The following SLC25A48 variants were observed in gnomAD, a reference collection of about 807,000 sequenced individuals.
SLC25A48 encodes the protein solute carrier family 25 member 48.
In SLC25A48, 29 loss-of-function variants were observed where a neutral mutation model predicts 32.2. The ratio of observed to expected loss-of-function variants is 0.90; its 90% CI spans 0.67 to 1.23. The LOEUF (loss-of-function observed/expected upper bound fraction) is 1.23, where lower values mean the gene tolerates loss of function less well. SLC25A48 is among the 50% of genes most tolerant of loss of function. The pLI is 0.00. For synonymous variants in SLC25A48, 164 were observed against 172.3 expected (o/e 0.95, Z 0.38); for missense variants, 399 against 422.7 (o/e 0.94, Z 0.49).
chr5:135,852,813 T>C lies in SLC25A48; in HGVS notation c.413T>C (p.Phe138Ser). ...KIRLQMQTQP[F>S]RDANLGLKSR... ...CGGTTGCAGATGCAGACACAACCGT[T>C]TCGGGACGGTAAGAGGCCAGGGGAG... The change falls in exon 4 of 8, where the codon TTT becomes TCT. Residue 138 changes from phenylalanine (F) to serine (S), a missense_variant. By Grantham distance (155) the Phe-to-Ser change is radical (BLOSUM62 -2). Transcript: ENST00000681962. The C allele has an allele frequency of 6.2e-7, 1 of 1,605,090 alleles. No homozygotes were observed. The highest frequency in any genetic ancestry group is 8.5e-7 in the Non-Finnish European group (1 of 1,172,678).
At chr5:135,857,910 T>A (rs1760466194) in intron 4 of SLC25A48, among the ~76,000 whole-genome samples, 1 of 152,036 alleles carries the variant, frequency 6.6e-6, no homozygotes, top group Admixed American at 6.5e-5. Context: ...TAAAGGGCCT[T>A]AAAGGGCCCT....
At chr5:135,724,385 C>T (rs896386797) in intron 3 of SLC25A48, among the ~76,000 whole-genome samples, 1 of 147,044 alleles carries the variant, frequency 6.8e-6, no homozygotes, top group East Asian at 2.1e-4. Context: ...CTCCTTGGAG[C>T]CCCCTCAGGT....
intron 3 of SLC25A48, among the ~76,000 whole-genome samples, chr5:135,728,621 A>G (rs1015591369): frequency 2.6e-5 from 4 of 152,124 alleles, no homozygotes; most frequent in Admixed American, 6.5e-5. Context: ...TCTTAAAACT[A>G]TGTCTCTGAA....
intron 1 of SLC25A48, among the ~76,000 whole-genome samples, chr5:135,584,284 T>A (rs1156456674): frequency 6.6e-6 from 1 of 152,154 alleles, no homozygotes; most frequent in Non-Finnish European, 1.5e-5. Context: ...TAAGAACACA[T>A]GCAAAGATAT....
chr5:135,847,335 G>A (rs1759506466), intron 2 of SLC25A48, among the ~76,000 whole-genome samples: 1 of 152,158 alleles, frequency 6.6e-6, no homozygotes, highest in Non-Finnish European at 1.5e-5. Flanking sequence ...AGAGATTGGT[G>A]GGAGTAGCAG....
intron 3 of SLC25A48, among the ~76,000 whole-genome samples, chr5:135,663,869 C>T (rs1290608847): frequency 6.6e-6 from 1 of 152,198 alleles, no homozygotes; most frequent in African/African-American, 2.4e-5. Context: ...CCCATGGAAT[C>T]TGCACTGGCC....
intron 3 of SLC25A48, among the ~76,000 whole-genome samples, chr5:135,808,538 A>C (rs2126649132): frequency 6.6e-6 from 1 of 152,012 alleles, no homozygotes; most frequent in Non-Finnish European, 1.5e-5. Context: ...TTTTTCATCC[A>C]TCTCTTGGCT....
chr5:135,850,519 G>T, intron 3 of SLC25A48, 23 bp downstream of exon 3: 1 of 1,612,700 alleles, frequency 6.2e-7, no homozygotes, highest in South Asian at 1.1e-5. Flanking sequence ...TGGGCGGGTG[G>T]AGTGATGCCT....
At chr5:135,618,367 A>C (rs970529032) in intron 1 of SLC25A48, among the ~76,000 whole-genome samples, 1 of 151,890 alleles carries the variant, frequency 6.6e-6, no homozygotes, top group Admixed American at 6.6e-5. Context: ...TTTATATTTC[A>C]GCCAATCTCT....
chr5:135,720,917 G>T (rs1754936127), intron 3 of SLC25A48, among the ~76,000 whole-genome samples: 1 of 152,116 alleles, frequency 6.6e-6, no homozygotes, highest in East Asian at 1.9e-4. Context: ...ACACTGGCAT[G>T]TGAAATCCTA....
intron 4 of SLC25A48, among the ~76,000 whole-genome samples, chr5:135,857,100 C>T (rs905269240): frequency 2.3e-4 from 35 of 152,290 alleles, no homozygotes; most frequent in East Asian, 1.2e-3. Context: ...CCAGCTGGGA[C>T]GCCAAGGGAG....
intron 3 of SLC25A48, among the ~76,000 whole-genome samples, chr5:135,731,215 T>G: frequency 6.6e-6 from 1 of 151,256 alleles, no homozygotes; most frequent in Non-Finnish European, 1.5e-5. Context: ...AGGTGCTCAA[T>G]GGGGGAGATT....
chr5:135,602,565 G>A (rs940490813), intron 1 of SLC25A48, among the ~76,000 whole-genome samples: 6 of 151,292 alleles, frequency 4.0e-5, no homozygotes, highest in Non-Finnish European at 8.8e-5. Flanking sequence ...GCCACCGGGG[G>A]CTTTGTAGCC....
intron 3 of SLC25A48, among the ~76,000 whole-genome samples, chr5:135,644,956 T>G (rs1445107745): frequency 6.7e-6 from 1 of 148,492 alleles, no homozygotes; most frequent in African/African-American, 2.6e-5. Context: ...GAACTCCAGT[T>G]CAAATACAAG....
intron 3 of SLC25A48, among the ~76,000 whole-genome samples, chr5:135,663,522 A>G (rs1365310044): frequency 6.6e-6 from 1 of 152,220 alleles, no homozygotes; most frequent in Non-Finnish European, 1.5e-5. Flanking sequence ...ATATCATTTC[A>G]TCTGCATGGA....
intron 3 of SLC25A48, among the ~76,000 whole-genome samples, chr5:135,660,708 A>G (rs1753375900): frequency 6.6e-6 from 1 of 152,204 alleles, no homozygotes; most frequent in Admixed American, 6.5e-5. Context: ...AACTGAGTTA[A>G]TAGATCTAAG....
chr5:135,871,004 C>A (rs1761590258), intron 4 of SLC25A48, among the ~76,000 whole-genome samples: 1 of 150,848 alleles, frequency 6.6e-6, no homozygotes, highest in African/African-American at 2.4e-5. Context: ...CAGTCTGGCT[C>A]CAAATCTCAT....
In SLC25A48 at chr5:135,888,138, A is replaced by T. The variant is rs1431609180; in HGVS notation, c.*114A>T. The T allele has an allele frequency of 2.0e-6, 3 of 1,527,490 alleles. No homozygotes were observed. Among genetic ancestry groups the T allele is most frequent in the Non-Finnish European group, 2.7e-6 (3 of 1,125,876 alleles). The allele number at this position is 1,527,490 out of a possible 1,614,324, so 94.6% of individuals were successfully genotyped here. ...TTGGACCTCCAAGTGGACATCAATT[A>T]GCAAGCGTGGGCTAGGATGGTGCAG... On this transcript the variant is annotated 3_prime_UTR_variant, in exon 8 of 8. Transcript: ENST00000681962.
chr5:135,800,257 G>A (rs944827294), intron 3 of SLC25A48, among the ~76,000 whole-genome samples: 2 of 151,504 alleles, frequency 1.3e-5, no homozygotes, highest in African/African-American at 4.9e-5. Context: ...ATCCAGAAAA[G>A]GAGAGTTTGA....
Sources: allele counts gnomAD v4.1 joint callset (sites outside exome capture counted in the v4.1 genomes callset), GRCh38; gene constraint gnomAD v4.1.1; transcripts MANE v1.5; gene names NCBI Gene and HGNC (gene_info 2026-07-23, HGNC 2026-07-21).